GALNT10: variants seen among roughly 807,000 people sequenced by gnomAD.
GALNT10 encodes the protein GalNAc transferase 10.
In GALNT10, 41 loss-of-function variants were observed where a neutral mutation model predicts 75.0. The ratio of observed to expected loss-of-function variants is 0.55; its 90% confidence interval spans 0.43 to 0.71. The LOEUF (loss-of-function observed/expected upper bound fraction) is 0.71. Among genes scored for constraint, GALNT10 ranks in the 30% least tolerant of loss-of-function variants. GALNT10 has a pLI of 0.00. For synonymous variants in GALNT10, 302 were observed against 313.0 expected, an observed-to-expected ratio of 0.96 and a Z score of 0.37; for missense variants, 727 against 818.5, an observed-to-expected ratio of 0.89 and a Z score of 1.36.
Position 154,386,413 on chromosome 5 carries a change from T to A in GALNT10, c.1039T>A (p.Tyr347Asn), listed in dbSNP as rs1406189695. 1.2e-6 allele frequency: 2 copies of A among 1,609,152 alleles called. No homozygotes were observed. Among genetic ancestry groups the A allele is most frequent in the Middle Eastern group, 3.3e-4 (2 of 6,050 alleles). Residue 347 changes from tyrosine (Y) to asparagine (N), a missense_variant, in exon 7 of 12, where the codon TAT (tyrosine) becomes AAT (asparagine). By Grantham distance (143) the Tyr-to-Asn change is moderately radical. Coordinates refer to ENST00000297107, the MANE Select transcript of GALNT10 (RefSeq NM_198321.4). ...CTTGGAGATCTGGGGAGGGGAGCAGTATGAAATCTCCTTCAAGGTGAGCCA... is the reference window on the plus strand; with the variant it reads ...CTTGGAGATCTGGGGAGGGGAGCAGAATGAAATCTCCTTCAAGGTGAGCCA... ...PGLEIWGGEQ[Y>N]EISFKVWMCG...
intron 1 of GALNT10, among the ~76,000 whole-genome samples, chr5:154,285,416 C>G (rs1462282370): frequency 6.6e-6 from 1 of 152,130 alleles, no homozygotes; most frequent in Non-Finnish European, 1.5e-5. Context: ...TTAAAAGTAA[C>G]ATGTGATGAC....
Position 154,409,612 on chromosome 5 carries a change from C to T in GALNT10, c.1236C>T (p.Tyr412=). The T allele has an allele frequency of 6.2e-7, 1 of 1,613,846 alleles. No homozygotes were observed. Among genetic ancestry groups the T allele is most frequent in the South Asian group, 1.1e-5 (1 of 91,086 alleles). Reference sequence around the variant, plus strand: ...ACATTTACCAGCGCCGGCCTGAATACCGCCACCTCTCCGCTGGGGATGTCG... The same window carrying T: ...ACATTTACCAGCGCCGGCCTGAATATCGCCACCTCTCCGCTGGGGATGTCG... ...AEYIYQRRPE[Y]RHLSAGDVAV... The change falls in exon 9 of 12, where the codon TAC becomes TAT. Residue 412 remains tyrosine (Y), a synonymous_variant. Transcript: ENST00000297107. The surrounding 1 kb of genome is among the most constrained non-coding windows in gnomAD (Gnocchi z 4.5).
chr5:154,310,211 G>A (rs764954963), intron 3 of GALNT10, among the ~76,000 whole-genome samples: 2 of 151,980 alleles, frequency 1.3e-5, no homozygotes, highest in Non-Finnish European at 2.9e-5. Flanking sequence ...TTTTTATCAT[G>A]ATTCATGTGG....
chr5:154,192,457 C>T (rs942832303), intron 1 of GALNT10, among the ~76,000 whole-genome samples: 2 of 152,262 alleles, frequency 1.3e-5, no homozygotes, highest in East Asian at 1.9e-4. Context: ...TCTCTTTCCT[C>T]TGTTCCTATT....
At chr5:154,252,901 CT>C (rs890173169) in intron 1 of GALNT10, among the ~76,000 whole-genome samples, 1 of 150,248 alleles carries the variant, frequency 6.7e-6, no homozygotes, top group African/African-American at 2.4e-5. Context: ...GTCTTTACCT[CT>C]TTTTTTCCCC....
intron 4 of GALNT10, among the ~76,000 whole-genome samples, chr5:154,371,537 AGTGTGTGT>A (rs757305979): frequency 0.027 from 1,887 of 70,904 alleles, 36 homozygotes; most frequent in African/African-American, 0.065. Context: ...GACACACCAC[AGTGTGTGT>A]GTGTGTGTGT....
chr5:154,412,996 C>T lies in GALNT10; in HGVS notation c.1494C>T (p.Asn498=). 1 of 1,604,244 alleles carries T rather than the reference C, an allele frequency of 6.2e-7. No homozygotes were observed. The highest frequency in any genetic ancestry group is 8.5e-7 in the Non-Finnish European group (1 of 1,171,944). Residue 498 remains asparagine (N), a synonymous_variant, in exon 10 of 12, where the codon AAC becomes AAT. Coordinates refer to ENST00000297107, the MANE Select transcript of GALNT10 (RefSeq NM_198321.4). This position sits in a 1 kb window ranked among gnomAD's most constrained non-coding sequence, Gnocchi z 4.2. The part of the protein sequence containing the change: ...CVRGRGEAAW[N]NMQVFTFTWR... ...GAGGCCGTGGGGAGGCTGCCTGGAA[C>T]AACATGCAGGTAAGGGCCGCCCCTC...
rs568270419 is a variant in GALNT10 at position 154,354,600 on chromosome 5, C to T, written c.569-21677C>T. ...TGGTGGCTACTCAGAAAGCCCCATCCCATGCCCCAGTGTAGTGTGATGTTT... is the reference window on the plus strand; with the variant it reads ...TGGTGGCTACTCAGAAAGCCCCATCTCATGCCCCAGTGTAGTGTGATGTTT... On this transcript the variant is annotated intron_variant, in intron 4 of 11. Transcript: ENST00000297107. Among the ~76,000 whole-genome samples the T allele has an allele frequency of 3.2e-4, 48 of 152,320 alleles. No homozygotes were observed. The South Asian group carries it at 9.9e-3, about 32-fold the overall frequency.
rs1298596257 is a variant in GALNT10, at chr5:154,395,915, C to T, written c.1057-8189C>T. ...CTGAGTCAGAGGCTGCCGTGGAGCC[C>T]AGCCAGCTGTGTTTCAACATGCCCT... On this transcript the variant is annotated intron_variant, in intron 7 of 11. Coordinates refer to ENST00000297107, the MANE Select transcript of GALNT10 (RefSeq NM_198321.4). 3.3e-5 allele frequency among the ~76,000 whole-genome samples: 5 copies of T among 152,312 alleles called. No individual in the cohort carries two copies. In the East Asian group the frequency reaches 5.8e-4, roughly 18 times the overall value.
intron 4 of GALNT10, among the ~76,000 whole-genome samples, chr5:154,331,285 G>T (rs1420244031): frequency 1.3e-5 from 2 of 152,096 alleles, no homozygotes; most frequent in African/African-American, 4.8e-5. Context: ...TAAGCCTTGA[G>T]CACACTATAT....
chr5:154,275,150 A>G (rs938821170), intron 1 of GALNT10, among the ~76,000 whole-genome samples: 3 of 152,224 alleles, frequency 2.0e-5, no homozygotes, highest in African/African-American at 7.2e-5. Context: ...TGGGTCTTCT[A>G]TTCAGTTCAT....
At position 154,356,235 on chromosome 5, in the gene GALNT10, C is replaced by T. The variant is rs541769499; in HGVS notation, c.569-20042C>T. The stretch of plus-strand genomic sequence containing the variant: ...GCAGCTCTGGGATGATGCCAGGATT[C>T]CATTTGGAGACTTCTGCACCCGTTG... On this transcript the variant is annotated intron_variant, in intron 4 of 11. Coordinates refer to ENST00000297107, the MANE Select transcript of GALNT10 (RefSeq NM_198321.4). 231 of 456,070 alleles carry T rather than the reference C, an allele frequency of 5.1e-4. 1 individual carries two copies. The highest frequency in any genetic ancestry group is 4.2e-3 in the African/African-American group (212 of 50,178). 28.3% of individuals were successfully genotyped at this position (456,070 alleles called of 1,614,324 possible).
At chr5:154,237,895 G>A (rs554610713) in intron 1 of GALNT10, among the ~76,000 whole-genome samples, 85 of 152,220 alleles carry the variant, frequency 5.6e-4, no homozygotes, top group African/African-American at 1.9e-3. Flanking sequence ...TTTCTCCACC[G>A]CACCATGACT....
chr5:154,230,285 C>T lies in GALNT10; in HGVS notation c.159+39260C>T, dbSNP rs114912660. ...CAGTTGACTATCAAGTGCCTCTCTACGCCCAGAAGTGTATCAAGTCATTTG... is the reference window on the plus strand; with the variant it reads ...CAGTTGACTATCAAGTGCCTCTCTATGCCCAGAAGTGTATCAAGTCATTTG... On this transcript the variant is annotated intron_variant, in intron 1 of 11. Transcript: ENST00000297107. Among the ~76,000 whole-genome samples the T allele has an allele frequency of 4.6e-3, 698 of 152,280 alleles. 6 individuals carry two copies. Among genetic ancestry groups the T allele is most frequent in the African/African-American group, 0.016 (673 of 41,552 alleles).
intron 1 of GALNT10, among the ~76,000 whole-genome samples, chr5:154,197,269 C>G (rs896091589): frequency 6.6e-5 from 10 of 152,296 alleles, no homozygotes; most frequent in African/African-American, 2.4e-4. Flanking sequence ...GAACTGTCTC[C>G]CCTGCCCCCA....
intron 1 of GALNT10, among the ~76,000 whole-genome samples, chr5:154,231,351 C>T (rs894533920): frequency 1.3e-5 from 2 of 152,166 alleles, no homozygotes; most frequent in Non-Finnish European, 2.9e-5. Flanking sequence ...CTGATAACAT[C>T]GTCTCTTCCC....
At chr5:154,293,609 ATATATT>A (rs1561652525) in intron 1 of GALNT10, among the ~76,000 whole-genome samples, 2 of 122,700 alleles carry the variant, frequency 1.6e-5, no homozygotes, top group Non-Finnish European at 1.8e-5. Context: ...ATATATATAT[ATATATT>A]TTTTTTTTCC....
intron 4 of GALNT10, among the ~76,000 whole-genome samples, chr5:154,351,939 G>A (rs551845850): frequency 6.6e-6 from 1 of 152,134 alleles, no homozygotes; most frequent in African/African-American, 2.4e-5. Context: ...TGTGTGCCAG[G>A]TATTTTACTT....
At chr5:154,237,110 A>T (rs11746223) in intron 1 of GALNT10, among the ~76,000 whole-genome samples, 14,704 of 152,250 alleles carry the variant, frequency 0.097, 929 homozygotes, top group Non-Finnish European at 0.14. Flanking sequence ...CCCAGGTAGC[A>T]GAGAGTTTGG....
Sources: allele counts gnomAD v4.1 joint callset (sites outside exome capture counted in the v4.1 genomes callset), GRCh38; gene constraint gnomAD v4.1.1; non-coding constraint Gnocchi (gnomAD v3.1); transcripts MANE v1.5; gene names NCBI Gene and HGNC (gene_info 2026-07-23, HGNC 2026-07-21).